RSU1: variants seen among roughly 807,000 people sequenced by gnomAD.
RSU1 encodes rsu-1.
In RSU1, 26 loss-of-function variants were observed where a neutral mutation model predicts 31.1. The observed-to-expected ratio is 0.84, with a 90% CI of 0.61 to 1.16. The LOEUF is 1.16. Ranked by LOEUF, RSU1 falls within the 50% of genes most tolerant of loss-of-function variation. The probability of loss-of-function intolerance (pLI) is 0.00; values close to 1 mark genes in which losing one functional copy is unlikely to be tolerated. For missense variants in RSU1, 320 were observed against 339.1 expected (o/e 0.94, Z 0.44); for synonymous variants, 164 against 136.3 (o/e 1.20, Z -1.41).
chr10:16,767,160 T>A (rs1837330538), intron 3 of RSU1: 1 of 152,226 alleles, frequency 6.6e-6, no homozygotes, highest in Admixed American at 6.5e-5. Flanking sequence ...ACCCTCCAGC[T>A]ACCACTAAGC....
At chr10:16,705,946 T>C (rs562857986) in intron 7 of RSU1, among the ~76,000 whole-genome samples, 2 of 152,280 alleles carry the variant, frequency 1.3e-5, no homozygotes, top group East Asian at 1.9e-4. Flanking sequence ...CCAGCCCAAA[T>C]GTTTTTGATC....
At chr10:16,735,984 C>T (rs961607056) in intron 7 of RSU1, among the ~76,000 whole-genome samples, 2 of 152,138 alleles carry the variant, frequency 1.3e-5, no homozygotes, top group Non-Finnish European at 2.9e-5. Flanking sequence ...CTCTGGTTTT[C>T]TCTGAGAAGC....
chr10:16,634,506 T>C (rs376156350), intron 8 of RSU1, among the ~76,000 whole-genome samples: 5 of 152,226 alleles, frequency 3.3e-5, no homozygotes, highest in East Asian at 1.9e-4. Flanking sequence ...CACCTTACAA[T>C]GGTTTTTTGA....
chr10:16,700,210 T>C (rs1835761967), intron 7 of RSU1, among the ~76,000 whole-genome samples: 1 of 152,156 alleles, frequency 6.6e-6, no homozygotes, highest in Non-Finnish European at 1.5e-5. Flanking sequence ...TTTCACGTCA[T>C]CAAAGTAGCA....
chr10:16,696,321 C>T (rs1835676318), intron 7 of RSU1, among the ~76,000 whole-genome samples: 1 of 151,976 alleles, frequency 6.6e-6, no homozygotes, highest in Admixed American at 6.5e-5. Context: ...TCCTGGGACG[C>T]AAGTACAAAG....
At chr10:16,750,887 A>T (rs1196223565) in intron 7 of RSU1, among the ~76,000 whole-genome samples, 1 of 149,730 alleles carries the variant, frequency 6.7e-6, no homozygotes, top group Non-Finnish European at 1.5e-5. Flanking sequence ...TTTCCTTTCA[A>T]CAAGGTCTTG....
intron 2 of RSU1, among the ~76,000 whole-genome samples, chr10:16,797,052 A>C (rs761797381): frequency 6.6e-6 from 1 of 152,234 alleles, no homozygotes; most frequent in African/African-American, 2.4e-5. Context: ...AGCTGAAATT[A>C]GGAAGGGTTT....
intron 8 of RSU1, among the ~76,000 whole-genome samples, chr10:16,603,708 A>G (rs1833750171): frequency 6.6e-6 from 1 of 152,232 alleles, no homozygotes; most frequent in South Asian, 2.1e-4. Flanking sequence ...TCCAAGGGCA[A>G]TGGTAAGTTA....
At chr10:16,706,483 C>G (rs2131576374) in intron 7 of RSU1, among the ~76,000 whole-genome samples, 1 of 152,246 alleles carries the variant, frequency 6.6e-6, no homozygotes, top group East Asian at 1.9e-4. Context: ...TTTTAGTTCT[C>G]TATATACTCT....
intron 8 of RSU1, among the ~76,000 whole-genome samples, chr10:16,659,058 C>T (rs7906103): frequency 6.6e-6 from 1 of 152,070 alleles, no homozygotes; most frequent in East Asian, 1.9e-4. Context: ...CTTTGAAATG[C>T]TTGTTCATAC....
chr10:16,685,065 T>C (rs1265970159), intron 8 of RSU1, among the ~76,000 whole-genome samples: 1 of 152,078 alleles, frequency 6.6e-6, no homozygotes, highest in Non-Finnish European at 1.5e-5. Flanking sequence ...CTGGCCAACA[T>C]GGCAAAACCC....
intron 8 of RSU1, among the ~76,000 whole-genome samples, chr10:16,596,653 C>T (rs528110662): frequency 6.6e-6 from 1 of 152,280 alleles, no homozygotes; most frequent in Non-Finnish European, 1.5e-5. Context: ...TTTCCCAAAC[C>T]CCTTATCCGC....
chr10:16,807,272 T>C (rs369550397), intron 2 of RSU1, among the ~76,000 whole-genome samples: 1 of 152,190 alleles, frequency 6.6e-6, no homozygotes, highest in African/African-American at 2.4e-5. Context: ...AATTATAAGT[T>C]ACACAGAGTC....
chr10:16,626,902 C>T (rs1037848094), intron 8 of RSU1, among the ~76,000 whole-genome samples: 1 of 152,158 alleles, frequency 6.6e-6, no homozygotes, highest in Non-Finnish European at 1.5e-5. Flanking sequence ...CATACCTTCT[C>T]GATGTCCCAG....
chr10:16,699,540 G>A (rs1450280937), intron 7 of RSU1, among the ~76,000 whole-genome samples: 2 of 152,228 alleles, frequency 1.3e-5, no homozygotes, highest in Non-Finnish European at 2.9e-5. Flanking sequence ...CTGTCAGTCA[G>A]CCTGCAATCG....
intron 7 of RSU1, among the ~76,000 whole-genome samples, chr10:16,743,358 T>A (rs921215614): frequency 2.0e-5 from 3 of 152,168 alleles, no homozygotes; most frequent in Non-Finnish European, 4.4e-5. Flanking sequence ...TAACGTGGCC[T>A]TAGGCAAGTC....
At chr10:16,757,147 G>A (rs1837110473) in intron 4 of RSU1, among the ~76,000 whole-genome samples, 1 of 151,656 alleles carries the variant, frequency 6.6e-6, no homozygotes, top group South Asian at 2.1e-4. Flanking sequence ...CTCCAGTGAA[G>A]TCTAAGGGAA....
In RSU1 at chr10:16,708,524, A is replaced by G. The variant is rs377147705; in HGVS notation, c.599-13369T>C. ...TGAACTTGGTTGGTGTGATACCTGC[A>G]GGTTTTTCTTTTTGCTCAGGGTTGC... On this transcript the variant is annotated intron_variant, in intron 7 of 8. Coordinates refer to ENST00000345264, the MANE Select transcript of RSU1 (RefSeq NM_012425.4). 3.9e-5 allele frequency among the ~76,000 whole-genome samples: 6 copies of G among 152,150 alleles called. 1 individual carries two copies. The highest frequency in any genetic ancestry group is 1.4e-4 in the African/African-American group (6 of 41,528).
intron 2 of RSU1, among the ~76,000 whole-genome samples, chr10:16,785,045 A>T (rs1401273096): frequency 6.6e-6 from 1 of 152,172 alleles, no homozygotes; most frequent in African/African-American, 2.4e-5. Flanking sequence ...GGATTGAAAG[A>T]TGCTAAGTAT....
Sources: gnomAD v4.1 joint callset for allele counts (sites outside exome capture counted in the v4.1 genomes callset) on GRCh38, gnomAD v4.1.1 for gene constraint, MANE v1.5 for transcripts, NCBI Gene and HGNC (gene_info 2026-07-23, HGNC 2026-07-21) for gene names.